Variants in FAM107B observed in about 807,000 individuals in gnomAD.
The protein encoded by FAM107B is protein FAM107B.
A neutral mutation model predicts 31.5 loss-of-function variants in FAM107B; 21 were observed. That is an observed-to-expected ratio of 0.67 (90% CI 0.47 to 0.96). The LOEUF is 0.96. Among genes scored for constraint, FAM107B ranks in the 40% least tolerant of loss-of-function variants. The probability of loss-of-function intolerance (pLI) is 0.00; values close to 1 mark genes in which losing one functional copy is unlikely to be tolerated. For synonymous variants in FAM107B, 157 were observed against 141.5 expected (o/e 1.11, Z -0.78); for missense variants, 452 against 377.1 (o/e 1.20, Z -1.64).
chr10:14,748,739 C>T (rs1229407350), intron 1 of FAM107B, among the ~76,000 whole-genome samples: 1 of 152,254 alleles, frequency 6.6e-6, no homozygotes, highest in Non-Finnish European at 1.5e-5. Flanking sequence ...CCCTGGATGT[C>T]AGCCCAGAGC....
chr10:14,553,672 C>T (rs1307950076), intron 2 of FAM107B, among the ~76,000 whole-genome samples: 3 of 152,176 alleles, frequency 2.0e-5, no homozygotes, highest in East Asian at 1.9e-4. Flanking sequence ...TAGTATGACT[C>T]GCAGAAGGAG....
intron 1 of FAM107B, among the ~76,000 whole-genome samples, chr10:14,706,094 T>C (rs1855513117): frequency 6.6e-6 from 1 of 152,232 alleles, no homozygotes; most frequent in Non-Finnish European, 1.5e-5. Flanking sequence ...ATTGGCCTGA[T>C]AAACATTCTT....
chr10:14,546,958 A>G (rs112847142), intron 2 of FAM107B, among the ~76,000 whole-genome samples: 3,434 of 152,162 alleles, frequency 0.023, 64 homozygotes, highest in East Asian at 0.089. Flanking sequence ...TGGCCACTCT[A>G]ACTCTACTTT....
chr10:14,753,197 C>T (rs1832864338), intron 1 of FAM107B, among the ~76,000 whole-genome samples: 1 of 152,216 alleles, frequency 6.6e-6, no homozygotes, highest in Non-Finnish European at 1.5e-5. Flanking sequence ...AGGCAGAGCA[C>T]ACACGCATGT....
chr10:14,642,097 A>C (rs1853642353), intron 2 of FAM107B, among the ~76,000 whole-genome samples: 1 of 152,216 alleles, frequency 6.6e-6, no homozygotes, highest in South Asian at 2.1e-4. Flanking sequence ...CCCATTCCGA[A>C]AGGGAGAACT....
chr10:14,570,765 G>T (rs1851149361), intron 2 of FAM107B, among the ~76,000 whole-genome samples: 1 of 150,938 alleles, frequency 6.6e-6, no homozygotes, highest in Non-Finnish European at 1.5e-5. Context: ...CTGCACCACT[G>T]CACTCCAGCC....
chr10:14,649,816 G>A (rs1173469023), intron 2 of FAM107B, among the ~76,000 whole-genome samples: 5 of 152,146 alleles, frequency 3.3e-5, no homozygotes, highest in Non-Finnish European at 5.9e-5. Context: ...TATTTGGCTC[G>A]GAATACATCT....
rs911162151 is a variant in FAM107B, at chr10:14,774,849, G to T, written c.-186C>A. 3 of 653,504 alleles carry T rather than the reference G, an allele frequency of 4.6e-6. No homozygotes were observed. Among genetic ancestry groups the T allele is most frequent in the African/African-American group, 3.7e-5 (2 of 54,538 alleles). The allele number at this position is 653,504 out of a possible 1,614,324, so 40.5% of individuals were successfully genotyped here. On this transcript the variant is annotated 5_prime_UTR_variant, in exon 1 of 5. Coordinates refer to ENST00000181796, the MANE Select transcript of FAM107B (RefSeq NM_031453.4). ...CCCTGAGAGTCACTTAGCCGCTGGG[G>T]CCCCTTTGAAAGTGTCCATCCTGGG...
Position 14,774,296 on chromosome 10 carries a change from A to C in FAM107B, c.368T>G (p.Phe123Cys), listed in dbSNP as rs1007029025. The C allele has an allele frequency of 1.9e-6, 3 of 1,613,882 alleles. No individual in the cohort carries two copies. In the African/African-American group the frequency reaches 4.0e-5, roughly 22 times the overall value. Residue 123 changes from phenylalanine to cysteine, a missense_variant, in exon 1 of 5, where the codon TTT becomes TGT. By Grantham distance (205) the Phe-to-Cys change is radical. Coordinates refer to ENST00000181796, the MANE Select transcript of FAM107B (RefSeq NM_031453.4). ...TGATGGTCTGGGGATGGAAGCGTGA[A>C]ACACCACTGCTTCACAGTCCGCCCC... ...DDGADCEAVV[F>C]HASIPRPSII...
At chr10:14,687,901 A>G (rs542166649) in intron 1 of FAM107B, among the ~76,000 whole-genome samples, 21 of 152,300 alleles carry the variant, frequency 1.4e-4, no homozygotes, top group African/African-American at 4.6e-4. Context: ...ATGCGCTGTG[A>G]TGGTAATACT....
At chr10:14,651,372 G>A (rs1416522172) in intron 2 of FAM107B, among the ~76,000 whole-genome samples, 1 of 152,204 alleles carries the variant, frequency 6.6e-6, no homozygotes, top group Non-Finnish European at 1.5e-5. Flanking sequence ...TTGGGAGGCT[G>A]AGGCGGGCAG....
chr10:14,637,305 T>A (rs1312958254), intron 2 of FAM107B, among the ~76,000 whole-genome samples: 3 of 152,142 alleles, frequency 2.0e-5, no homozygotes, highest in Non-Finnish European at 4.4e-5. Context: ...TATCCTCCTC[T>A]TGAGTGTAGG....
chr10:14,572,189 T>C (rs1025007738), intron 2 of FAM107B: 12 of 985,164 alleles, frequency 1.2e-5, no homozygotes, highest in African/African-American at 3.5e-5. Context: ...GAGCAAACAA[T>C]GAAAAACAAA....
intron 2 of FAM107B, among the ~76,000 whole-genome samples, chr10:14,629,789 A>AG (rs138017031): frequency 0.041 from 6,213 of 151,194 alleles, 193 homozygotes; most frequent in African/African-American, 0.088. Context: ...CTGGGATTAC[A>AG]GCGTGAGCCA....
At chr10:14,573,832 A>G (rs976723708) in intron 2 of FAM107B, among the ~76,000 whole-genome samples, 1 of 152,132 alleles carries the variant, frequency 6.6e-6, no homozygotes, top group African/African-American at 2.4e-5. Flanking sequence ...CAGCATCTAT[A>G]AACAATGCTG....
intron 2 of FAM107B, among the ~76,000 whole-genome samples, chr10:14,606,911 T>C (rs1340697819): frequency 6.6e-6 from 1 of 152,232 alleles, no homozygotes; most frequent in Non-Finnish European, 1.5e-5. Context: ...CCACTCAGTC[T>C]AGGGTATTCT....
intron 2 of FAM107B, among the ~76,000 whole-genome samples, chr10:14,643,884 A>G (rs1336197632): frequency 1.3e-5 from 2 of 152,232 alleles, no homozygotes; most frequent in Non-Finnish European, 2.9e-5. Flanking sequence ...TTAGTACTCC[A>G]CAACAACTGC....
At chr10:14,751,388 C>G (rs151013200) in intron 1 of FAM107B, among the ~76,000 whole-genome samples, 25 of 152,296 alleles carry the variant, frequency 1.6e-4, no homozygotes, top group African/African-American at 6.0e-4. Flanking sequence ...GTGAGCAGAA[C>G]AGTCCAGCTG....
chr10:14,642,549 G>C (rs1000831413), intron 2 of FAM107B, among the ~76,000 whole-genome samples: 5 of 152,126 alleles, frequency 3.3e-5, no homozygotes, highest in African/African-American at 1.2e-4. Flanking sequence ...GGTTCAAACT[G>C]GCAGTGTTTC....
Sources: allele counts gnomAD v4.1 joint callset (sites outside exome capture counted in the v4.1 genomes callset), GRCh38; gene constraint gnomAD v4.1.1; transcripts MANE v1.5; gene names NCBI Gene and HGNC (gene_info 2026-07-23, HGNC 2026-07-21).